The following SAMD12 variants were observed in gnomAD, a reference collection of about 807,000 sequenced individuals.
SAMD12 encodes sterile alpha motif domain containing 12, also known as sterile alpha motif domain-containing protein 12.
SAMD12 carries 9 observed loss-of-function variants against 15.0 expected under a neutral mutation model. That is an observed-to-expected ratio of 0.60 (90% confidence interval 0.36 to 1.05). The LOEUF (loss-of-function observed/expected upper bound fraction) is 1.05. Ranked by LOEUF, SAMD12 falls within the 50% of genes least tolerant of loss-of-function variation. The probability of loss-of-function intolerance (pLI) is 0.01; values close to 1 mark genes in which losing one functional copy is unlikely to be tolerated. For synonymous variants in SAMD12, 86 were observed against 90.1 expected, an observed-to-expected ratio of 0.96 and a Z score of 0.25; for missense variants, 230 against 234.2, an observed-to-expected ratio of 0.98 and a Z score of 0.12.
chr8:118,396,646 C>T (rs1294319345), intron 3 of SAMD12, among the ~76,000 whole-genome samples: 5 of 152,162 alleles, frequency 3.3e-5, no homozygotes, highest in Non-Finnish European at 4.4e-5. Flanking sequence ...TGTCCAAAGT[C>T]GTAAGACTAG....
chr8:118,303,364 A>G (rs927105686), intron 4 of SAMD12, among the ~76,000 whole-genome samples: 2 of 152,250 alleles, frequency 1.3e-5, no homozygotes, highest in Non-Finnish European at 2.9e-5. Flanking sequence ...CAAGAACAAC[A>G]ACTGTACATT....
rs139393243 is a variant in SAMD12 at position 118,233,414 on chromosome 8, C to T, written c.434-35682G>A. Among the ~76,000 whole-genome samples the T allele has an allele frequency of 1.1e-3, 174 of 152,160 alleles. 1 individual carries two copies. Among genetic ancestry groups the T allele is most frequent in the Non-Finnish European group, 1.9e-3 (126 of 67,998 alleles). On this transcript the variant is annotated intron_variant, in intron 4 of 4. Transcript: ENST00000409003. ...AATTCAAGAGTAATTGACATCTTCCCGGACCTCTGTAGTAGAAAGAAGATA... is the reference window on the plus strand; with the variant it reads ...AATTCAAGAGTAATTGACATCTTCCTGGACCTCTGTAGTAGAAAGAAGATA...
the SAMD12 span, among the ~76,000 whole-genome samples, chr8:118,149,741 A>G: frequency 1.3e-5 from 2 of 152,110 alleles, no homozygotes; most frequent in African/African-American, 2.4e-5. Flanking sequence ...GTTTTTATTT[A>G]CTTTACCATA....
chr8:118,284,739 G>T, intron 4 of SAMD12: 1 of 168,422 alleles, frequency 5.9e-6, no homozygotes, highest in South Asian at 1.4e-4. Context: ...TCAGGAGATC[G>T]AGACCATCCT....
At chr8:118,173,714 C>A in the SAMD12 span, among the ~76,000 whole-genome samples, 1 of 150,132 alleles carries the variant, frequency 6.7e-6, no homozygotes, top group African/African-American at 2.4e-5. Flanking sequence ...ACTGCCACCT[C>A]TGCCTCCTGG....
intron 2 of SAMD12, among the ~76,000 whole-genome samples, chr8:118,493,129 A>T (rs1824497956): frequency 6.6e-6 from 1 of 152,200 alleles, no homozygotes. Context: ...TTATGCTGAC[A>T]CCAAAACAGT....
chr8:118,232,137 C>G (rs1197069224), intron 4 of SAMD12, among the ~76,000 whole-genome samples: 1 of 152,126 alleles, frequency 6.6e-6, no homozygotes, highest in Non-Finnish European at 1.5e-5. Flanking sequence ...CCCCACTGTT[C>G]TACATGAGGA....
Position 118,477,881 on chromosome 8 carries a change from AG to A in SAMD12, c.193-37921del, listed in dbSNP as rs556504816. Among the ~76,000 whole-genome samples, 107 of 152,056 alleles carry A rather than the reference AG, an allele frequency of 7.0e-4. 1 individual carries two copies. Among genetic ancestry groups the A allele is most frequent in the African/African-American group, 2.5e-3 (102 of 41,474 alleles). On this transcript the variant is annotated intron_variant, in intron 2 of 3. Transcript: ENST00000314727. ...ACAAAAAAAATTAGTCAGGTGTGGC[AG>A]AGGGTGCCTGTAGTCCCGGCTACTC...
intron 2 of SAMD12, among the ~76,000 whole-genome samples, chr8:118,468,135 C>T (rs1362560677): frequency 6.6e-6 from 1 of 152,124 alleles, no homozygotes; most frequent in Non-Finnish European, 1.5e-5. Context: ...CAGCAGAGTA[C>T]CCTAGCACAA....
chr8:118,567,297 A>G (rs1023663982), intron 2 of SAMD12, among the ~76,000 whole-genome samples: 1 of 151,932 alleles, frequency 6.6e-6, no homozygotes, highest in Non-Finnish European at 1.5e-5. Context: ...GTGAAATCAC[A>G]TTTCCTCTAT....
chr8:118,134,315 G>A, the SAMD12 span, among the ~76,000 whole-genome samples: 1 of 152,208 alleles, frequency 6.6e-6, no homozygotes, highest in Admixed American at 6.5e-5. Context: ...CATGCAGCTG[G>A]CTGAAATACA....
At chr8:118,159,814 G>A in the SAMD12 span, among the ~76,000 whole-genome samples, 2 of 151,284 alleles carry the variant, frequency 1.3e-5, no homozygotes, top group Non-Finnish European at 2.9e-5. Flanking sequence ...CTCCCCTCTG[G>A]GTTCAAGCGA....
At chr8:118,152,450 CCCTCCCTACCTTCCTTCCTTCCTT>C in the SAMD12 span, among the ~76,000 whole-genome samples, 2 of 106,382 alleles carry the variant, frequency 1.9e-5, no homozygotes, top group African/African-American at 7.3e-5. Context: ...CTTCCTCCCT[CCCTCCCTACCTTCCTTCCTTCCTT>C]CCTTCCTTCC....
At chr8:118,502,920 G>A (rs1164504472) in intron 2 of SAMD12, among the ~76,000 whole-genome samples, 2 of 152,110 alleles carry the variant, frequency 1.3e-5, no homozygotes, top group Non-Finnish European at 2.9e-5. Flanking sequence ...TCAGGATAAG[G>A]ATTTCTCCCC....
chr8:118,158,352 G>T, the SAMD12 span, among the ~76,000 whole-genome samples: 1 of 152,246 alleles, frequency 6.6e-6, no homozygotes, highest in African/African-American at 2.4e-5. Flanking sequence ...CCTGTCTGGA[G>T]CAGCTGCTGC....
At chr8:118,228,343 A>T (rs1812230060) in intron 4 of SAMD12, among the ~76,000 whole-genome samples, 1 of 152,202 alleles carries the variant, frequency 6.6e-6, no homozygotes, top group Non-Finnish European at 1.5e-5. Context: ...GAGTCAACAG[A>T]AAACCCACAG....
the SAMD12 span, among the ~76,000 whole-genome samples, chr8:118,163,427 G>A: frequency 1.3e-5 from 2 of 152,160 alleles, no homozygotes; most frequent in African/African-American, 4.8e-5. Context: ...ATTTGAGGTA[G>A]GGAAGAGAAA....
intron 2 of SAMD12, among the ~76,000 whole-genome samples, chr8:118,461,658 A>T (rs1269471851): frequency 6.6e-6 from 1 of 152,194 alleles, no homozygotes; most frequent in African/African-American, 2.4e-5. Context: ...TTACTTAATA[A>T]GTTTTAGCTA....
At chr8:118,231,160 G>A (rs1482848144) in intron 4 of SAMD12, among the ~76,000 whole-genome samples, 1 of 152,124 alleles carries the variant, frequency 6.6e-6, no homozygotes, top group Non-Finnish European at 1.5e-5. Flanking sequence ...GACAATGCCT[G>A]GCACAGAGTA....
Sources: gnomAD v4.1 joint callset for allele counts (sites outside exome capture counted in the v4.1 genomes callset) on GRCh38, gnomAD v4.1.1 for gene constraint, MANE v1.5 for transcripts, NCBI Gene and HGNC (gene_info 2026-07-23, HGNC 2026-07-21) for gene names.